Variants in B4GALT2 observed in about 807,000 individuals in gnomAD.
The protein encoded by B4GALT2 is beta-1,4-galactosyltransferase 2.
B4GALT2 carries 18 observed loss-of-function variants against 33.2 expected under a neutral mutation model. That is an observed-to-expected ratio of 0.54 (90% CI 0.38 to 0.80). The LOEUF is 0.80. Ranked by LOEUF, B4GALT2 falls within the 30% of genes least tolerant of loss-of-function variation. The probability of loss-of-function intolerance (pLI) is 0.00; values close to 1 mark genes in which losing one functional copy is unlikely to be tolerated. For missense variants in B4GALT2, 404 were observed against 526.2 expected (o/e 0.77, Z 2.27); for synonymous variants, 214 against 217.6 (o/e 0.98, Z 0.15).
At position 43,979,730 on chromosome 1, in the gene B4GALT2, C is replaced by T; in HGVS notation, c.-53+219C>T. ...TCCAGCCGGCCTCCCTCATTGTCCT[C>T]GCTCGCCCCGGCCTCGTGGCGCGGG... On this transcript the variant is annotated intron_variant, in intron 1 of 6. Transcript: ENST00000372324. This position sits in a 1 kb window ranked among gnomAD's most constrained non-coding sequence, Gnocchi z 4.8. The T allele has an allele frequency of 2.7e-6, 1 of 368,030 alleles. No individual in the cohort carries two copies. The allele number at this position is 368,030 out of a possible 1,614,324, so 22.8% of individuals were successfully genotyped here. A position where few individuals can be genotyped will look rare whatever the true frequency, so the allele number is the denominator to read the frequency against.
chr1:43,982,064 TAC>T lies in B4GALT2; in HGVS notation c.549+141_549+142del. The stretch of plus-strand genomic sequence containing the variant: ...GTTTGTCAGTGTGCACAGGAATGTG[TAC>T]GCACAGTGTGTGCATGTGAATGTTG... On this transcript the variant is annotated intron_variant, in intron 3 of 6. Coordinates refer to ENST00000372324, the MANE Select transcript of B4GALT2 (RefSeq NM_003780.5). The surrounding 1 kb of genome is among the most constrained non-coding windows in gnomAD (Gnocchi z 4.3). 3.7e-6 allele frequency: 3 copies of T among 809,908 alleles called. No individual in the cohort carries two copies. Among genetic ancestry groups the T allele is most frequent in the Non-Finnish European group, 5.9e-6 (3 of 510,546 alleles). The allele number at this position is 809,908 out of a possible 1,614,324, so 50.2% of individuals were successfully genotyped here.
chr1:43,985,069 TCTC>T lies in B4GALT2; in HGVS notation c.740+15_740+17del, dbSNP rs1323901893. On this transcript the variant is annotated intron_variant, in intron 4 of 6. Coordinates refer to ENST00000372324, the MANE Select transcript of B4GALT2 (RefSeq NM_003780.5). The stretch of plus-strand genomic sequence containing the variant: ...GTTTGGCTTCCGGTGAGGGCTCTCT[TCTC>T]AGCTGGACCCAGCCCTCCTGCCCCC... 1.9e-6 allele frequency: 3 copies of T among 1,612,628 alleles called. No individual in the cohort carries two copies. Among genetic ancestry groups the T allele is most frequent in the South Asian group, 1.1e-5 (1 of 91,064 alleles).
chr1:43,981,822 C>T lies in B4GALT2; in HGVS notation c.447C>T (p.Ile149=). The T allele has an allele frequency of 6.2e-7, 1 of 1,613,922 alleles. No homozygotes were observed. The highest frequency in any genetic ancestry group is 8.5e-7 in the Non-Finnish European group (1 of 1,180,032). Residue 149 remains isoleucine, a synonymous_variant, in exon 3 of 7, where the codon ATC becomes ATT. Coordinates refer to ENST00000372324, the MANE Select transcript of B4GALT2 (RefSeq NM_003780.5). The surrounding 1 kb of genome is among the most constrained non-coding windows in gnomAD (Gnocchi z 8.1). ...CTPAQTVAVI[I]PFRHREHHLR... is the part of the protein sequence containing the mutation. Reference sequence around the variant, plus strand: ...CAGCCCAGACGGTGGCGGTCATCATCCCCTTTAGACACCGGGAACACCACC... The same window carrying T: ...CAGCCCAGACGGTGGCGGTCATCATTCCCTTTAGACACCGGGAACACCACC...
rs1571806160 is a variant in B4GALT2 at position 43,985,339 on chromosome 1, A to G, written c.802A>G (p.Ile268Val). Reference protein sequence around the residue: ...SGLSKAQFLRINGFPNEYWGW... With the variant: ...SGLSKAQFLRVNGFPNEYWGW... ...CCTGAGTAAGGCTCAGTTTCTGAGA[A>G]TCAATGGCTTCCCCAATGAGTACTG... Residue 268 changes from isoleucine (I) to valine (V), a missense_variant, in exon 5 of 7, where the codon ATC (isoleucine) becomes GTC (valine). By Grantham distance (29) the Ile-to-Val change is conservative. Transcript: ENST00000372324. The G allele has an allele frequency of 6.2e-7, 1 of 1,611,736 alleles. No individual in the cohort carries two copies. Among genetic ancestry groups the G allele is most frequent in the Non-Finnish European group, 8.5e-7 (1 of 1,179,018 alleles).
chr1:43,985,170 G>C, intron 4 of B4GALT2, 108 bp from the exon 5 acceptor site: 1 of 1,563,596 alleles, frequency 6.4e-7, no homozygotes, highest in Non-Finnish European at 8.7e-7. Flanking sequence ...CACTGGCGAG[G>C]CTGGATCCTC....
Position 43,984,398 on chromosome 1 carries a change from A to G in B4GALT2, c.550-467A>G, listed in dbSNP as rs929600276. ...GAATCCCCGCTAGCACAAAGGAGAG[A>G]GCGCCACAGGGCATGTTTGAATGAG... On this transcript the variant is annotated intron_variant, in intron 3 of 6. Transcript: ENST00000372324. This position sits in a 1 kb window ranked among gnomAD's most constrained non-coding sequence, Gnocchi z 5.6. Among the ~76,000 whole-genome samples the G allele has an allele frequency of 6.6e-6, 1 of 152,244 alleles. No individual in the cohort carries two copies. The highest frequency in any genetic ancestry group is 1.5e-5 in the Non-Finnish European group (1 of 68,044).
intron 6 of B4GALT2, chr1:43,985,933 C>A: frequency 2.4e-6 from 1 of 417,618 alleles, no homozygotes; most frequent in Non-Finnish European, 4.4e-6. Context: ...AGATTGCATT[C>A]CTATTGGTGC....
At position 43,982,101 on chromosome 1, in the gene B4GALT2, C is replaced by T. The variant is rs769261355; in HGVS notation, c.549+177C>T. 2.0e-5 allele frequency among the ~76,000 whole-genome samples: 3 copies of T among 152,214 alleles called. No homozygotes were observed. The highest frequency in any genetic ancestry group is 2.0e-4 in the Admixed American group (3 of 15,286). On this transcript the variant is annotated intron_variant, in intron 3 of 6. Coordinates refer to ENST00000372324, the MANE Select transcript of B4GALT2 (RefSeq NM_003780.5). The surrounding 1 kb of genome is among the most constrained non-coding windows in gnomAD (Gnocchi z 4.3). ...GTGCATGTGAATGTTGGCATGCACA[C>T]TGGCAGGTGTGTGCATGGTCTCAGA...
chr1:43,981,463 A>G lies in B4GALT2; in HGVS notation c.303A>G (p.Pro101=), dbSNP rs940311738. The G allele has an allele frequency of 5.7e-6, 9 of 1,577,522 alleles. No individual in the cohort carries two copies. ...APTLPPCPDS[P]PGLVGRLLIE... The stretch of plus-strand genomic sequence containing the variant: ...CGCTGCCACCCTGTCCTGACTCGCC[A>G]CCTGGTCTTGGTGAGCCTGGAGGGT... Residue 101 remains proline, a synonymous_variant, in exon 2 of 7, where the codon CCA becomes CCG. Transcript: ENST00000372324. This position sits in a 1 kb window ranked among gnomAD's most constrained non-coding sequence, Gnocchi z 8.1.
chr1:43,990,561 T>C lies in B4GALT2; in HGVS notation c.*113T>C. The C allele has an allele frequency of 6.9e-7, 1 of 1,447,912 alleles. No individual in the cohort carries two copies. The highest frequency in any genetic ancestry group is 1.2e-5 in the South Asian group (1 of 80,864). The allele number at this position is 1,447,912 out of a possible 1,614,324, so 89.7% of individuals were successfully genotyped here. A position where few individuals can be genotyped will look rare whatever the true frequency, so the allele number is the denominator to read the frequency against. ...CCAGGACTGAGACTGGGCTCTGTTTTCCAAGGGTCTTCACTAGGCCCCCTA... is the reference window on the plus strand; with the variant it reads ...CCAGGACTGAGACTGGGCTCTGTTTCCCAAGGGTCTTCACTAGGCCCCCTA... On this transcript the variant is annotated 3_prime_UTR_variant, in exon 7 of 7. Coordinates refer to ENST00000372324, the MANE Select transcript of B4GALT2 (RefSeq NM_003780.5).
In B4GALT2 at chr1:43,991,152, TA is replaced by T; in HGVS notation, c.*710del. The T allele has an allele frequency of 6.0e-6, 1 of 167,112 alleles. No homozygotes were observed. The highest frequency in any genetic ancestry group is 1.3e-5 in the Non-Finnish European group (1 of 77,168). 10.4% of individuals were successfully genotyped at this position (167,112 alleles called of 1,614,324 possible). A position where few individuals can be genotyped will look rare whatever the true frequency, so the allele number is the denominator to read the frequency against. On this transcript the variant is annotated 3_prime_UTR_variant, in exon 7 of 7. Transcript: ENST00000372324. ...ACAGAAACTTGTGTGGGTGCTTTAG[TA>T]AAAAACGTGAATGGAGCAGCTCCCT...
chr1:43,980,009 T>G (rs2154303142), intron 1 of B4GALT2: 1 of 1,522,608 alleles, frequency 6.6e-7, no homozygotes, highest in Non-Finnish European at 8.8e-7. Flanking sequence ...AGAGTCTGGA[T>G]GTATGGCTGT....
chr1:43,982,060 T>TTC lies in B4GALT2; in HGVS notation c.549+136_549+137insTC. The TTC allele has an allele frequency of 4.8e-6, 4 of 835,318 alleles. No individual in the cohort carries two copies. Among genetic ancestry groups the TTC allele is most frequent in the Non-Finnish European group, 7.5e-6 (4 of 530,916 alleles). The allele number at this position is 835,318 out of a possible 1,614,324, so 51.7% of individuals were successfully genotyped here. A position where few individuals can be genotyped will look rare whatever the true frequency, so the allele number is the denominator to read the frequency against. ...CGGTGTTTGTCAGTGTGCACAGGAATGTGTACGCACAGTGTGTGCATGTGA... is the reference window on the plus strand; with the variant it reads ...CGGTGTTTGTCAGTGTGCACAGGAATTCGTGTACGCACAGTGTGTGCATGTGA... On this transcript the variant is annotated intron_variant, in intron 3 of 6. Coordinates refer to ENST00000372324, the MANE Select transcript of B4GALT2 (RefSeq NM_003780.5). The surrounding 1 kb of genome is among the most constrained non-coding windows in gnomAD (Gnocchi z 4.3).
At position 43,979,213 on chromosome 1, in the gene B4GALT2, C is replaced by A. The variant is rs2085564858; in HGVS notation, c.-351C>A. On this transcript the variant is annotated 5_prime_UTR_variant, in exon 1 of 7. Transcript: ENST00000372324. The surrounding 1 kb of genome is among the most constrained non-coding windows in gnomAD (Gnocchi z 4.8). Reference sequence around the variant, plus strand: ...CGCGGGCGCGCGGGCCGGGCCTGCCCCTCCGAGGCGCCGTAGCGCGGGAGG... The same window carrying A: ...CGCGGGCGCGCGGGCCGGGCCTGCCACTCCGAGGCGCCGTAGCGCGGGAGG... The A allele has an allele frequency of 1.4e-5, 2 of 145,732 alleles. No individual in the cohort carries two copies. The highest frequency in any genetic ancestry group is 2.0e-4 in the South Asian group (1 of 5,124). 9.0% of individuals were successfully genotyped at this position (145,732 alleles called of 1,614,324 possible). A position where few individuals can be genotyped will look rare whatever the true frequency, so the allele number is the denominator to read the frequency against.
Position 43,985,531 on chromosome 1 carries a change from G to A in B4GALT2, c.878G>A (p.Gly293Glu). 1 of 1,613,682 alleles carries A rather than the reference G, an allele frequency of 6.2e-7. No homozygotes were observed. Among genetic ancestry groups the A allele is most frequent in the East Asian group, 2.2e-5 (1 of 44,858 alleles). Residue 293 changes from glycine (G) to glutamate (E), a missense_variant, in exon 6 of 7, where the codon GGG becomes GAG. Transcript: ENST00000372324. ...DDIFNRISLT[G>E]MKISRPDIRI... ...CCCATCCTCAGGATCTCCCTGACTG[G>A]GATGAAGATCTCACGCCCAGACATC...
chr1:43,986,814 C>T (rs1021561800), intron 6 of B4GALT2, among the ~76,000 whole-genome samples: 9 of 152,218 alleles, frequency 5.9e-5, no homozygotes, highest in Admixed American at 3.9e-4. Context: ...TTCAGGAAGG[C>T]GAAAGCCTGG....
At position 43,981,667 on chromosome 1, in the gene B4GALT2, C is replaced by A. The variant is rs1243203706; in HGVS notation, c.314-22C>A. ...GTGGATTCTGGCCAATGCCCTGATT[C>A]CTGACACTGTCCTGTCTGCAGTGGG... On this transcript the variant is annotated intron_variant, in intron 2 of 6. Coordinates refer to ENST00000372324, the MANE Select transcript of B4GALT2 (RefSeq NM_003780.5). This position sits in a 1 kb window ranked among gnomAD's most constrained non-coding sequence, Gnocchi z 8.1. The A allele has an allele frequency of 1.9e-6, 3 of 1,587,740 alleles. No homozygotes were observed. The highest frequency in any genetic ancestry group is 1.7e-6 in the Non-Finnish European group (2 of 1,163,634).
rs1458983531 is a variant in B4GALT2, at chr1:43,981,986, GTCC to G, written c.549+64_549+66del. On this transcript the variant is annotated intron_variant, in intron 3 of 6. Coordinates refer to ENST00000372324, the MANE Select transcript of B4GALT2 (RefSeq NM_003780.5). The surrounding 1 kb of genome is among the most constrained non-coding windows in gnomAD (Gnocchi z 8.1). ...ATATGTGGGTTGGGGGCGTTTGTGG[GTCC>G]TTGTCTGCCCGTGTGGATATGTGGA... 3 of 1,523,582 alleles carry G rather than the reference GTCC, an allele frequency of 2.0e-6. No homozygotes were observed. Among genetic ancestry groups the G allele is most frequent in the African/African-American group, 1.4e-5 (1 of 72,862 alleles). The allele number at this position is 1,523,582 out of a possible 1,614,324, so 94.4% of individuals were successfully genotyped here.
Position 43,986,912 on chromosome 1 carries a change from G to C in B4GALT2, c.968+1291G>C, listed in dbSNP as rs1557652805. On this transcript the variant is annotated intron_variant, in intron 6 of 6. Transcript: ENST00000372324. ...AGGGAGCATAGTGGTACAGGGCCTG[G>C]GGATGGAGGTGCTGTGTCCCCAGCT... Among the ~76,000 whole-genome samples the C allele has an allele frequency of 2.0e-5, 3 of 152,188 alleles. No individual in the cohort carries two copies. In the South Asian group the frequency reaches 6.2e-4, roughly 31 times the overall value.
Sources: gnomAD v4.1 joint callset for allele counts (sites outside exome capture counted in the v4.1 genomes callset) on GRCh38, gnomAD v4.1.1 for gene constraint, Gnocchi (gnomAD v3.1) non-coding constraint, MANE v1.5 for transcripts, NCBI Gene and HGNC (gene_info 2026-07-23, HGNC 2026-07-21) for gene names.